The following RBFOX1 variants were observed in gnomAD, a reference collection of about 807,000 sequenced individuals.
RBFOX1 encodes RNA binding protein fox-1 homolog 1.
RBFOX1 carries 8 observed loss-of-function variants against 57.7 expected under a neutral mutation model. That is an observed-to-expected ratio of 0.14 (90% confidence interval 0.08 to 0.25). The LOEUF is 0.25. Among genes scored for constraint, RBFOX1 ranks in the 10% least tolerant of loss-of-function variants. RBFOX1 has a pLI of 1.00. For synonymous variants in RBFOX1, 326 were observed against 222.4 expected, an observed-to-expected ratio of 1.47 and a Z score of -4.15; for missense variants, 611 against 548.5, an observed-to-expected ratio of 1.11 and a Z score of -1.14.
At position 7,159,751 on chromosome 16, in the gene RBFOX1, G is replaced by A. The variant is rs111914530; in HGVS notation, c.27+107653G>A. Among the ~76,000 whole-genome samples the A allele has an allele frequency of 4.6e-5, 7 of 152,256 alleles. No homozygotes were observed. In the East Asian group the frequency reaches 1.3e-3, roughly 29 times the overall value. ...AGCCTGACAAGACCCAGAAATTTCT[G>A]TCTTTCCTCCCTCCCATCAAATAAC... On this transcript the variant is annotated intron_variant, in intron 4 of 15. Coordinates refer to ENST00000550418, the MANE Select transcript of RBFOX1 (RefSeq NM_018723.4).
In RBFOX1 at chr16:6,957,723, A is replaced by T. The variant is rs537418640; in HGVS notation, c.-15-94334A>T. Among the ~76,000 whole-genome samples, 41 of 152,116 alleles carry T rather than the reference A, an allele frequency of 2.7e-4. 1 individual carries two copies. The South Asian group carries it at 8.3e-3, about 31-fold the overall frequency. Reference sequence around the variant, plus strand: ...GCCCAGCAGGTCTCAGCGTCATTTTACCCAGCCCCTATTGAAGATGGAGTT... The same window carrying T: ...GCCCAGCAGGTCTCAGCGTCATTTTTCCCAGCCCCTATTGAAGATGGAGTT... On this transcript the variant is annotated intron_variant, in intron 3 of 15. Coordinates refer to ENST00000550418, the MANE Select transcript of RBFOX1 (RefSeq NM_018723.4).
chr16:5,530,201 C>G (rs527701096), intron 2 of RBFOX1, among the ~76,000 whole-genome samples: 7 of 152,314 alleles, frequency 4.6e-5, no homozygotes, highest in Admixed American at 2.0e-4. Context: ...TTATTCCCAG[C>G]AGTCCGAGGT....
At chr16:5,296,165 C>G (rs1331767734) in intron 1 of RBFOX1, among the ~76,000 whole-genome samples, 2 of 152,148 alleles carry the variant, frequency 1.3e-5, no homozygotes, top group African/African-American at 4.8e-5. Flanking sequence ...AATCTTTTTT[C>G]CAATCTGACT....
intron 2 of RBFOX1, among the ~76,000 whole-genome samples, chr16:6,555,764 C>G (rs754253477): frequency 1.3e-5 from 2 of 152,148 alleles, no homozygotes; most frequent in African/African-American, 2.4e-5. Flanking sequence ...GTGTTTATCT[C>G]TGTTTAGTTA....
In RBFOX1 at chr16:7,711,664, AT is replaced by A. The variant is rs1368560099; in HGVS notation, c.*920del. 3 of 152,764 alleles carry A rather than the reference AT, an allele frequency of 2.0e-5. No individual in the cohort carries two copies. The highest frequency in any genetic ancestry group is 6.5e-5 in the Admixed American group (1 of 15,306). The allele number at this position is 152,764 out of a possible 1,614,324, so 9.5% of individuals were successfully genotyped here. A position where few individuals can be genotyped will look rare whatever the true frequency, so the allele number is the denominator to read the frequency against. On this transcript the variant is annotated 3_prime_UTR_variant, in exon 16 of 16. Transcript: ENST00000550418. Reference sequence around the variant, plus strand: ...AAATTCTTTGTACCAGTTAAAAAAAATGTATAAAATTTACATCTGTGCAGTG... The same window carrying A: ...AAATTCTTTGTACCAGTTAAAAAAAAGTATAAAATTTACATCTGTGCAGTG...
chr16:6,448,191 G>T (rs867878585), intron 2 of RBFOX1, among the ~76,000 whole-genome samples: 3 of 95,602 alleles, frequency 3.1e-5, no homozygotes, highest in Non-Finnish European at 5.6e-5. Flanking sequence ...ATGGAATCCT[G>T]CTCTGTTGCC....
At chr16:7,099,107 G>T (rs1413255399) in intron 4 of RBFOX1, among the ~76,000 whole-genome samples, 1 of 152,038 alleles carries the variant, frequency 6.6e-6, no homozygotes, top group Non-Finnish European at 1.5e-5. Context: ...TGCAAAAATA[G>T]TACTTAGAAT....
chr16:5,595,223 A>G (rs1596376713), intron 2 of RBFOX1, among the ~76,000 whole-genome samples: 1 of 152,164 alleles, frequency 6.6e-6, no homozygotes, highest in Non-Finnish European at 1.5e-5. Context: ...TTGTTATGCA[A>G]AGAATATCAC....
At chr16:6,279,501 C>T (rs2152694444) in intron 1 of RBFOX1, among the ~76,000 whole-genome samples, 3 of 152,222 alleles carry the variant, frequency 2.0e-5, no homozygotes, top group Admixed American at 2.0e-4. Context: ...GATAAAGATT[C>T]CATGGAAACT....
Position 6,991,161 on chromosome 16 carries a change from A to AAAAAAAAAAAAAAAAAAAC in RBFOX1, c.-15-60895_-15-60894insAAAAAAAAAAAAAAAAACA, listed in dbSNP as rs1271872183. ...CAAAAAAAAAAAAAAAAAAAAAAAAAAGACACGGTGGCGTGTACCTTTAGT... is the reference window on the plus strand; with the variant it reads ...CAAAAAAAAAAAAAAAAAAAAAAAAAAAAAAAAAAAAAAAAAAACAGACACGGTGGCGTGTACCTTTAGT... On this transcript the variant is annotated intron_variant, in intron 3 of 15. Coordinates refer to ENST00000550418, the MANE Select transcript of RBFOX1 (RefSeq NM_018723.4). Among the ~76,000 whole-genome samples, 2 of 139,930 alleles carry AAAAAAAAAAAAAAAAAAAC rather than the reference A, an allele frequency of 1.4e-5. 1 individual carries two copies. Among genetic ancestry groups the AAAAAAAAAAAAAAAAAAAC allele is most frequent in the Non-Finnish European group, 3.1e-5 (2 of 64,026 alleles). 91.8% of individuals were successfully genotyped at this position (139,930 alleles called of 152,430 possible). A position where few individuals can be genotyped will look rare whatever the true frequency, so the allele number is the denominator to read the frequency against.
intron 4 of RBFOX1, among the ~76,000 whole-genome samples, chr16:7,063,696 A>G (rs865911828): frequency 6.6e-6 from 1 of 151,584 alleles, no homozygotes; most frequent in Non-Finnish European, 1.5e-5. Flanking sequence ...CTTCAAATAT[A>G]TTTAGGGGGA....
chr16:5,923,321 C>A (rs1327186860), intron 4 of RBFOX1, among the ~76,000 whole-genome samples: 1 of 152,018 alleles, frequency 6.6e-6, no homozygotes, highest in East Asian at 1.9e-4. Context: ...TGGTGGGGAC[C>A]TTGCAGGACC....
chr16:5,673,394 C>T (rs1369158915), intron 3 of RBFOX1, among the ~76,000 whole-genome samples: 1 of 152,084 alleles, frequency 6.6e-6, no homozygotes, highest in Non-Finnish European at 1.5e-5. Flanking sequence ...TATCTTCTCT[C>T]AGAGGGAACC....
At position 6,747,445 on chromosome 16, in the gene RBFOX1, A is replaced by AGTCTGTCTGTCTGTCT. The variant is rs367859716; in HGVS notation, c.-16+92810_-16+92825dup. Among the ~76,000 whole-genome samples the AGTCTGTCTGTCTGTCT allele has an allele frequency of 4.4e-3, 366 of 83,286 alleles. 1 individual carries two copies. Among genetic ancestry groups the AGTCTGTCTGTCTGTCT allele is most frequent in the South Asian group, 0.033 (81 of 2,434 alleles). 54.6% of individuals were successfully genotyped at this position (83,286 alleles called of 152,430 possible). A position where few individuals can be genotyped will look rare whatever the true frequency, so the allele number is the denominator to read the frequency against. On this transcript the variant is annotated intron_variant, in intron 3 of 15. Transcript: ENST00000550418. ...AAATCTATCAGTCAGTCAGTCAGTT[A>AGTCTGTCTGTCTGTCT]GTCTGTCTGTCTGTCTGTCTGTCTG...
chr16:5,706,067 T>A (rs1051726449), intron 3 of RBFOX1, among the ~76,000 whole-genome samples: 1 of 152,164 alleles, frequency 6.6e-6, no homozygotes, highest in African/African-American at 2.4e-5. Context: ...CGTGCCACCA[T>A]GCCTAGCTAA....
At chr16:5,477,859 G>A (rs1161586820) in intron 2 of RBFOX1, among the ~76,000 whole-genome samples, 3 of 152,158 alleles carry the variant, frequency 2.0e-5, no homozygotes, top group Admixed American at 6.5e-5. Flanking sequence ...GTTCTTCCCT[G>A]GCCAGTTAGC....
At chr16:7,339,766 T>C (rs1480418452) in intron 4 of RBFOX1, among the ~76,000 whole-genome samples, 1 of 152,190 alleles carries the variant, frequency 6.6e-6, no homozygotes. Context: ...AGAATTCTTT[T>C]GTCTGCGATG....
intron 4 of RBFOX1, among the ~76,000 whole-genome samples, chr16:5,894,189 C>T (rs2058106757): frequency 6.6e-6 from 1 of 152,056 alleles, no homozygotes; most frequent in Non-Finnish European, 1.5e-5. Flanking sequence ...CCTTTCACAC[C>T]ACTCTGTTTC....
chr16:5,624,441 C>T (rs919932429), intron 3 of RBFOX1, among the ~76,000 whole-genome samples: 11 of 152,224 alleles, frequency 7.2e-5, no homozygotes, highest in Non-Finnish European at 5.9e-5. Context: ...TCGTGATCCG[C>T]CCGCCTCGGC....
Sources: gnomAD v4.1 joint callset for allele counts (sites outside exome capture counted in the v4.1 genomes callset) on GRCh38, gnomAD v4.1.1 for gene constraint, MANE v1.5 for transcripts, NCBI Gene and HGNC (gene_info 2026-07-23, HGNC 2026-07-21) for gene names.